WDR25: variants seen among roughly 807,000 people sequenced by gnomAD.
WDR25 encodes the protein WD repeat-containing protein 25.
A neutral mutation model predicts 47.7 loss-of-function variants in WDR25; 35 were observed. That is an observed-to-expected ratio of 0.73 (90% CI 0.56 to 0.97). WDR25 has a LOEUF of 0.97. WDR25 is among the 50% of genes least tolerant of loss of function. The pLI is 0.00. For missense variants in WDR25, 634 were observed against 704.7 expected (o/e 0.90, Z 1.14); for synonymous variants, 248 against 278.9 (o/e 0.89, Z 1.10).
At chr14:100,503,469 A>G (rs1901009102) in intron 4 of WDR25, among the ~76,000 whole-genome samples, 2 of 152,154 alleles carry the variant, frequency 1.3e-5, no homozygotes, top group South Asian at 4.1e-4. Flanking sequence ...CTTTATAATG[A>G]GCTGTACCTA....
intron 2 of WDR25, among the ~76,000 whole-genome samples, chr14:100,391,257 T>C (rs1371319267): frequency 6.6e-6 from 1 of 152,158 alleles, no homozygotes; most frequent in East Asian, 1.9e-4. Context: ...TTGACCTTCA[T>C]CTAGTAGTGA....
intron 2 of WDR25, among the ~76,000 whole-genome samples, chr14:100,414,313 CTTT>C (rs1202018412): frequency 6.8e-5 from 7 of 102,832 alleles, no homozygotes; most frequent in Admixed American, 1.0e-4. Flanking sequence ...AGAGGTAGTT[CTTT>C]TTTTTTTTTT....
intron 2 of WDR25, among the ~76,000 whole-genome samples, chr14:100,444,778 A>T (rs1898780278): frequency 6.6e-6 from 1 of 152,164 alleles, no homozygotes; most frequent in Non-Finnish European, 1.5e-5. Context: ...GTCCTTAGGG[A>T]CTTGAGCCTG....
Position 100,510,918 on chromosome 14 carries a change from C to T in WDR25, c.1102-14952C>T, listed in dbSNP as rs976222826. ...GCACTGGCCCCATTGATTTATTTGTCTATCTTTATACCATTGTTTTCATCA... is the reference window on the plus strand; with the variant it reads ...GCACTGGCCCCATTGATTTATTTGTTTATCTTTATACCATTGTTTTCATCA... On this transcript the variant is annotated intron_variant, in intron 4 of 6. Coordinates refer to ENST00000402312, the MANE Select transcript of WDR25 (RefSeq NM_001161476.3). Among the ~76,000 whole-genome samples, 17 of 151,888 alleles carry T rather than the reference C, an allele frequency of 1.1e-4. 1 individual carries two copies. The highest frequency in any genetic ancestry group is 1.2e-4 in the Non-Finnish European group (8 of 67,978).
intron 4 of WDR25, among the ~76,000 whole-genome samples, chr14:100,493,830 G>A (rs1192283065): frequency 6.6e-6 from 1 of 152,128 alleles, no homozygotes; most frequent in Non-Finnish European, 1.5e-5. Context: ...TAGGACATGA[G>A]GGTGGAGCCC....
At chr14:100,510,690 C>T (rs1037177084) in intron 4 of WDR25, among the ~76,000 whole-genome samples, 2 of 150,502 alleles carry the variant, frequency 1.3e-5, no homozygotes, top group African/African-American at 4.9e-5. Context: ...GAGCCGAGAT[C>T]GCGTCATTGC....
Position 100,460,315 on chromosome 14 carries a change from C to T in WDR25, c.823-7706C>T, listed in dbSNP as rs1298518834. On this transcript the variant is annotated intron_variant, in intron 2 of 6. Transcript: ENST00000402312. ...TTTTAGTAGAGACGGGGTTTCACTG[C>T]GTTAGCCAGGATGGTCTTGATCTCC... Among the ~76,000 whole-genome samples the T allele has an allele frequency of 1.2e-4, 18 of 151,936 alleles. No homozygotes were observed. In the South Asian group the frequency reaches 3.3e-3, roughly 28 times the overall value.
chr14:100,436,435 G>A (rs533570454), intron 2 of WDR25, among the ~76,000 whole-genome samples: 4 of 152,224 alleles, frequency 2.6e-5, no homozygotes, highest in East Asian at 3.9e-4. Context: ...ATTTTGCAGC[G>A]GTATAATTTG....
chr14:100,468,832 G>A lies in WDR25; in HGVS notation c.970+664G>A, dbSNP rs1393742755. ...GACTGCCAGGGAGTGACAGAGCTGG[G>A]ATTCGCACCTCTGCCATCTGCCTCC... On this transcript the variant is annotated intron_variant, in intron 3 of 6. Coordinates refer to ENST00000402312, the MANE Select transcript of WDR25 (RefSeq NM_001161476.3). The surrounding 1 kb of genome is among the most constrained non-coding windows in gnomAD (Gnocchi z 4.5). Among the ~76,000 whole-genome samples the A allele has an allele frequency of 6.6e-6, 1 of 152,124 alleles. No homozygotes were observed. The highest frequency in any genetic ancestry group is 1.5e-5 in the Non-Finnish European group (1 of 68,006).
At chr14:100,505,997 T>C (rs1005739242) in intron 4 of WDR25, among the ~76,000 whole-genome samples, 3 of 152,198 alleles carry the variant, frequency 2.0e-5, no homozygotes, top group Admixed American at 2.0e-4. Context: ...AGGTTTCGGG[T>C]ATGATTGATC....
chr14:100,528,879 G>A (rs2030322541), intron 5 of WDR25, among the ~76,000 whole-genome samples, 189 bp from the exon 6 acceptor site: 1 of 152,178 alleles, frequency 6.6e-6, no homozygotes, highest in Admixed American at 6.5e-5. Context: ...TCAGACTTCC[G>A]ACTCGCAGGA....
At chr14:100,394,106 G>C (rs1897203384) in intron 2 of WDR25, among the ~76,000 whole-genome samples, 1 of 152,180 alleles carries the variant, frequency 6.6e-6, no homozygotes, top group Non-Finnish European at 1.5e-5. Context: ...ACTCCAAGCC[G>C]GGGTTTATTC....
At chr14:100,448,449 G>A (rs950960803) in intron 2 of WDR25, among the ~76,000 whole-genome samples, 5 of 152,060 alleles carry the variant, frequency 3.3e-5, no homozygotes, top group African/African-American at 7.2e-5. Flanking sequence ...GGTGAGAAGC[G>A]CCCCAGAAAG....
intron 2 of WDR25, among the ~76,000 whole-genome samples, chr14:100,423,760 A>G (rs909085044): frequency 6.6e-6 from 1 of 152,186 alleles, no homozygotes; most frequent in African/African-American, 2.4e-5. Context: ...TTGGATTCTT[A>G]TCTGTGTTGA....
intron 2 of WDR25, among the ~76,000 whole-genome samples, chr14:100,418,190 C>G (rs959201954): frequency 6.6e-6 from 1 of 151,396 alleles, no homozygotes; most frequent in Non-Finnish European, 1.5e-5. Context: ...TCCACACCCC[C>G]CACTCAGCCT....
chr14:100,452,888 C>T (rs544228562), intron 2 of WDR25, among the ~76,000 whole-genome samples: 4 of 152,040 alleles, frequency 2.6e-5, no homozygotes, highest in Non-Finnish European at 5.9e-5. Flanking sequence ...GTATTAGATA[C>T]ATTCATAGTG....
chr14:100,413,388 C>A (rs1350482855), intron 2 of WDR25, among the ~76,000 whole-genome samples: 2 of 151,246 alleles, frequency 1.3e-5, no homozygotes, highest in Non-Finnish European at 2.9e-5. Context: ...TAGGTTGGTA[C>A]AAAAGTAATT....
chr14:100,386,983 G>A lies in WDR25; in HGVS notation c.822+5237G>A, dbSNP rs1054505254. On this transcript the variant is annotated intron_variant, in intron 2 of 6. Coordinates refer to ENST00000402312, the MANE Select transcript of WDR25 (RefSeq NM_001161476.3). ...GTGAGAGTGGGACCTGATTAGATTG[G>A]CAAACCTTCAGTACCACTGTTGTAC... Among the ~76,000 whole-genome samples the A allele has an allele frequency of 5.3e-5, 8 of 152,032 alleles. No individual in the cohort carries two copies. The South Asian group carries it at 8.3e-4, about 16-fold the overall frequency.
At chr14:100,461,753 G>A (rs1204677670) in intron 2 of WDR25, among the ~76,000 whole-genome samples, 2 of 152,188 alleles carry the variant, frequency 1.3e-5, no homozygotes, top group Admixed American at 1.3e-4. Context: ...CTGTCAAGAG[G>A]TGGGATGAGG....
Sources: gnomAD v4.1 joint callset for allele counts (sites outside exome capture counted in the v4.1 genomes callset) on GRCh38, gnomAD v4.1.1 for gene constraint, Gnocchi (gnomAD v3.1) non-coding constraint, MANE v1.5 for transcripts, NCBI Gene and HGNC (gene_info 2026-07-23, HGNC 2026-07-21) for gene names.